The following SORBS2 variants were observed in gnomAD, a reference collection of about 807,000 sequenced individuals.
SORBS2 encodes sorbin and SH3 domain-containing protein 2.
A neutral mutation model predicts 97.7 loss-of-function variants in SORBS2; 46 were observed. That is an observed-to-expected ratio of 0.47 (90% confidence interval 0.37 to 0.60). The LOEUF is 0.60. Ranked by LOEUF, SORBS2 falls within the 20% of genes least tolerant of loss-of-function variation. The probability of loss-of-function intolerance (pLI) is 0.00; values close to 1 mark genes in which losing one functional copy is unlikely to be tolerated. For synonymous variants in SORBS2, 476 were observed against 473.4 expected (o/e 1.01, Z -0.07); for missense variants, 1,316 against 1,282.3 (o/e 1.03, Z -0.40).
At chr4:185,781,223 C>T (rs538646453) in intron 1 of SORBS2, among the ~76,000 whole-genome samples, 1 of 152,328 alleles carries the variant, frequency 6.6e-6, no homozygotes, top group Admixed American at 6.5e-5. Flanking sequence ...AGGCATGAGC[C>T]ACGGCGCCCA....
intron 1 of SORBS2, among the ~76,000 whole-genome samples, chr4:185,796,538 T>TA: frequency 8.7e-6 from 1 of 114,606 alleles, no homozygotes. Context: ...CTGGTCACGG[T>TA]GGGGCTGGGC....
chr4:185,811,054 G>C (rs1488241125), intron 1 of SORBS2: 1 of 152,078 alleles, frequency 6.6e-6, no homozygotes, highest in African/African-American at 2.4e-5. Flanking sequence ...GCAGATACTC[G>C]GAAAGGAGGT....
intron 1 of SORBS2, among the ~76,000 whole-genome samples, chr4:185,880,223 T>C (rs1022700179): frequency 1.3e-5 from 2 of 152,204 alleles, no homozygotes; most frequent in Admixed American, 6.5e-5. Flanking sequence ...AGAGACGGCC[T>C]TTATATACTG....
intron 1 of SORBS2, among the ~76,000 whole-genome samples, chr4:185,892,803 T>C (rs1237362243): frequency 6.6e-6 from 1 of 152,140 alleles, no homozygotes; most frequent in Non-Finnish European, 1.5e-5. Context: ...GGGTACACAG[T>C]ATTAGTTTTG....
At position 185,607,648 on chromosome 4, in the gene SORBS2, A is replaced by G. The variant is rs894561240; in HGVS notation, c.2796+4132T>C. On this transcript the variant is annotated intron_variant, in intron 12 of 14. Coordinates refer to ENST00000418609, the Ensembl canonical transcript of SORBS2. This position sits in a 1 kb window ranked among gnomAD's most constrained non-coding sequence, Gnocchi z 5.2. Reference sequence around the variant, plus strand: ...ACAAGATAAAGATGATATAGAGATTACCAGGACAGTAAAACCTTGAGAGAT... The same window carrying G: ...ACAAGATAAAGATGATATAGAGATTGCCAGGACAGTAAAACCTTGAGAGAT... Among the ~76,000 whole-genome samples the G allele has an allele frequency of 3.3e-5, 5 of 152,156 alleles. No individual in the cohort carries two copies. Among genetic ancestry groups the G allele is most frequent in the African/African-American group, 1.2e-4 (5 of 41,444 alleles).
At chr4:185,710,019 T>G (rs934069725) in intron 2 of SORBS2, 2 of 152,194 alleles carry the variant, frequency 1.3e-5, no homozygotes, top group Non-Finnish European at 2.9e-5. Context: ...AGGGACAAAG[T>G]CACTTGAAGT....
chr4:185,673,016 T>C (rs2097736638), intron 4 of SORBS2, among the ~76,000 whole-genome samples: 2 of 152,174 alleles, frequency 1.3e-5, no homozygotes, highest in Admixed American at 6.5e-5. Context: ...TGTATACGCA[T>C]ACTAGGATAC....
chr4:185,611,184 T>C (rs1361726205), intron 12 of SORBS2, among the ~76,000 whole-genome samples: 1 of 152,076 alleles, frequency 6.6e-6, no homozygotes, highest in Non-Finnish European at 1.5e-5. Context: ...CTAATAAACA[T>C]CTTGACTTAT....
intron 12 of SORBS2, among the ~76,000 whole-genome samples, chr4:185,610,988 G>A (rs895026376): frequency 6.6e-6 from 1 of 152,086 alleles, no homozygotes; most frequent in Non-Finnish European, 1.5e-5. Flanking sequence ...TTCACATTGT[G>A]AGTACAGACA....
chr4:185,806,154 A>T (rs1561145371), intron 1 of SORBS2, among the ~76,000 whole-genome samples: 1 of 152,230 alleles, frequency 6.6e-6, no homozygotes, highest in Admixed American at 6.5e-5. Flanking sequence ...AATGAAGCAC[A>T]TTTCCACCAG....
chr4:185,758,007 C>T (rs1232321956), intron 2 of SORBS2, among the ~76,000 whole-genome samples: 1 of 152,088 alleles, frequency 6.6e-6, no homozygotes, highest in Admixed American at 6.6e-5. Flanking sequence ...GACTGATGAC[C>T]AGATTACAGG....
At chr4:185,703,989 A>T (rs1383477909) in intron 2 of SORBS2, among the ~76,000 whole-genome samples, 1 of 152,230 alleles carries the variant, frequency 6.6e-6, no homozygotes, top group Non-Finnish European at 1.5e-5. Context: ...TCCTAGTTTA[A>T]TGAATACATA....
chr4:185,809,482 A>AAAAAC (rs1561170208), intron 1 of SORBS2, among the ~76,000 whole-genome samples: 25 of 147,894 alleles, frequency 1.7e-4, no homozygotes, highest in East Asian at 3.9e-4. Context: ...AAAAAAAAAA[A>AAAAAC]TCTGATATAG....
At position 185,923,124 on chromosome 4, in the gene SORBS2, A is replaced by C. The variant is rs924955110; in HGVS notation, c.-338+33072T>G. ...ATAATCTGTATGGGGGGAGCCCCAC[A>C]CAGAGTCCAGCAGATAATGAGCAGA... On this transcript the variant is annotated intron_variant, in intron 1 of 20. Coordinates refer to the SORBS2 transcript ENST00000284776. Among the ~76,000 whole-genome samples, 4 of 152,160 alleles carry C rather than the reference A, an allele frequency of 2.6e-5. No individual in the cohort carries two copies. The South Asian group carries it at 8.3e-4, about 32-fold the overall frequency.
At chr4:185,858,110 G>C (rs543725475) in intron 1 of SORBS2, among the ~76,000 whole-genome samples, 16 of 152,142 alleles carry the variant, frequency 1.1e-4, no homozygotes, top group African/African-American at 3.9e-4. Context: ...ATCAATATGC[G>C]ATGGCACCCC....
At chr4:185,737,283 G>A (rs35464946) in intron 2 of SORBS2, among the ~76,000 whole-genome samples, 8 of 152,164 alleles carry the variant, frequency 5.3e-5, no homozygotes, top group Non-Finnish European at 1.2e-4. Context: ...CAGCAGCCCA[G>A]GCCTGGCTGC....
chr4:185,587,820 A>G, intron 14 of SORBS2, 132 bp from the exon 27 acceptor site: 1 of 695,248 alleles, frequency 1.4e-6, no homozygotes. Flanking sequence ...AAGGCAGGCA[A>G]CTCACATGAA....
intron 2 of SORBS2, among the ~76,000 whole-genome samples, chr4:185,770,695 T>A (rs1560920675): frequency 2.7e-5 from 4 of 149,990 alleles, no homozygotes; most frequent in South Asian, 2.1e-4. Flanking sequence ...AACACTGATT[T>A]AAAAAAAAAA....
intron 2 of SORBS2, among the ~76,000 whole-genome samples, chr4:185,651,217 C>A (rs975118406): frequency 6.6e-6 from 1 of 152,208 alleles, no homozygotes; most frequent in Admixed American, 6.5e-5. Flanking sequence ...CTGCAGACCC[C>A]TGCACGAGAT....
Sources: allele counts gnomAD v4.1 joint callset (sites outside exome capture counted in the v4.1 genomes callset), GRCh38; gene constraint gnomAD v4.1.1; non-coding constraint Gnocchi (gnomAD v3.1); transcripts MANE v1.5; gene names NCBI Gene and HGNC (gene_info 2026-07-23, HGNC 2026-07-21).